Variants in ZNF292 observed in about 807,000 individuals in gnomAD.
ZNF292 encodes the protein zinc finger protein 292.
Under a neutral mutation model 217.9 loss-of-function variants are expected in ZNF292, and 26 were observed. That is an observed-to-expected ratio of 0.12 (90% CI 0.09 to 0.17). ZNF292 has a LOEUF of 0.17. Ranked by LOEUF, ZNF292 falls within the 10% of genes least tolerant of loss-of-function variation. The pLI is 1.00. For missense variants in ZNF292, 2,904 were observed against 3,175.2 expected, an observed-to-expected ratio of 0.91 and a Z score of 2.05; for synonymous variants, 1,257 against 1,124.1, an observed-to-expected ratio of 1.12 and a Z score of -2.37.
intron 1 of ZNF292, among the ~76,000 whole-genome samples, chr6:87,189,632 G>GT (rs944471275): frequency 8.9e-4 from 131 of 147,510 alleles, no homozygotes; most frequent in Middle Eastern, 7.0e-3. Context: ...CTGGGATTAT[G>GT]TTTTTTTTTT....
chr6:87,236,049 C>A (rs1454949732), intron 5 of ZNF292, among the ~76,000 whole-genome samples: 1 of 152,134 alleles, frequency 6.6e-6, no homozygotes, highest in African/African-American at 2.4e-5. Flanking sequence ...ATTCATTGTT[C>A]CATATGAGGT....
At chr6:87,160,612 C>T (rs1167420624) in intron 1 of ZNF292, among the ~76,000 whole-genome samples, 1 of 148,784 alleles carries the variant, frequency 6.7e-6, no homozygotes, top group Non-Finnish European at 1.5e-5. Flanking sequence ...TACATATATA[C>T]GATGTGTGTG....
At chr6:87,162,738 C>G (rs766599803) in intron 1 of ZNF292, among the ~76,000 whole-genome samples, 2 of 152,152 alleles carry the variant, frequency 1.3e-5, no homozygotes, top group Non-Finnish European at 2.9e-5. Context: ...TGCAGCTGTA[C>G]TTCATAACAT....
intron 1 of ZNF292, among the ~76,000 whole-genome samples, chr6:87,208,152 C>G (rs992295207): frequency 6.6e-6 from 1 of 152,146 alleles, no homozygotes; most frequent in African/African-American, 2.4e-5. Flanking sequence ...GTTGAGAAGT[C>G]TGCTGCCTCT....
intron 1 of ZNF292, among the ~76,000 whole-genome samples, chr6:87,202,078 A>C (rs965464626): frequency 6.6e-6 from 1 of 152,210 alleles, no homozygotes; most frequent in Non-Finnish European, 1.5e-5. Context: ...TTTTAGAATC[A>C]ACATGTCAAA....
chr6:87,250,026 AAAAAAAAAAAC>A lies in ZNF292; in HGVS notation c.1020+4393_1020+4403del, dbSNP rs986195188. Among the ~76,000 whole-genome samples, 24 of 137,242 alleles carry A rather than the reference AAAAAAAAAAAC, an allele frequency of 1.7e-4. No homozygotes were observed. In the South Asian group the frequency reaches 5.6e-3, roughly 32 times the overall value. The allele number at this position is 137,242 out of a possible 152,430, so 90.0% of individuals were successfully genotyped here. On this transcript the variant is annotated intron_variant, in intron 7 of 7. Transcript: ENST00000369577. ...TACCCAGCCAACTGGTAACCCTTAA[AAAAAAAAAAAC>A]AAAAAAAAAAACTCCAGGAATTGAA...
At position 87,155,685 on chromosome 6, in the gene ZNF292, C is replaced by G; in HGVS notation, c.94C>G (p.Leu32Val). Reference protein sequence around the residue: ...LQRLGERLQELELQLRESRVP... With the variant: ...LQRLGERLQEVELQLRESRVP... ...GCGCCTGGGCGAGCGGCTCCAGGAG[C>G]TGGAGCTACAGCTGCGGGAGAGCCG... Residue 32 changes from leucine to valine, a missense_variant, in exon 1 of 8, where the codon CTG (leucine) becomes GTG (valine). Leu to Val is a conservative substitution (Grantham distance 32). This residue lies in a region of ZNF292 where 66 missense variants were observed against 44.1 expected (regional missense o/e 1.50). Transcript: ENST00000369577. 1 of 1,590,040 alleles carries G rather than the reference C, an allele frequency of 6.3e-7. No individual in the cohort carries two copies. The highest frequency in any genetic ancestry group is 2.3e-5 in the East Asian group (1 of 43,830).
Position 87,261,359 on chromosome 6 carries a change from A to G in ZNF292, c.7730A>G (p.His2577Arg). Residue 2577 changes from histidine (H) to arginine (R), a missense_variant, in exon 8 of 8, where the codon CAT (histidine) becomes CGT (arginine). His to Arg is a conservative substitution (Grantham distance 29). Around this residue, in one of 15 missense-constraint regions of ZNF292, gnomAD observed 380 missense variants for 355.3 expected, o/e 1.07. Transcript: ENST00000369577. Reference sequence around the variant, plus strand: ...GTTGCCATTCAAACCATTGAGGAGCATCCTGCATCTTTTGACTGGAGCTCT... The same window carrying G: ...GTTGCCATTCAAACCATTGAGGAGCGTCCTGCATCTTTTGACTGGAGCTCT... Reference protein sequence around the residue: ...TAVAIQTIEEHPASFDWSSFK... With the variant: ...TAVAIQTIEERPASFDWSSFK... 3 of 1,613,368 alleles carry G rather than the reference A, an allele frequency of 1.9e-6. No homozygotes were observed. The highest frequency in any genetic ancestry group is 2.5e-6 in the Non-Finnish European group (3 of 1,179,642).
chr6:87,163,428 G>T lies in ZNF292; in HGVS notation c.168+7669G>T, dbSNP rs558582243. Among the ~76,000 whole-genome samples the T allele has an allele frequency of 2.0e-5, 3 of 151,906 alleles. No homozygotes were observed. The East Asian group carries it at 5.8e-4, about 29-fold the overall frequency. On this transcript the variant is annotated intron_variant, in intron 1 of 7. Transcript: ENST00000369577. Reference sequence around the variant, plus strand: ...ATGGCGCCACTGCACTCCAGCCTGGGTGACAGATCGAGACTTCGCCTCAAA... The same window carrying T: ...ATGGCGCCACTGCACTCCAGCCTGGTTGACAGATCGAGACTTCGCCTCAAA...
chr6:87,189,810 C>T (rs1360724052), intron 1 of ZNF292, among the ~76,000 whole-genome samples: 1 of 152,100 alleles, frequency 6.6e-6, no homozygotes. Flanking sequence ...ATACTGTACT[C>T]GGAAGGAAGG....
At chr6:87,250,544 T>G (rs565474514) in intron 7 of ZNF292, among the ~76,000 whole-genome samples, 262 of 152,320 alleles carry the variant, frequency 1.7e-3, no homozygotes, top group African/African-American at 6.0e-3. Context: ...AATGAAGTAA[T>G]ATGTAGCCAT....
intron 1 of ZNF292, among the ~76,000 whole-genome samples, chr6:87,178,997 A>C (rs1771385363): frequency 6.6e-6 from 1 of 152,170 alleles, no homozygotes; most frequent in Non-Finnish European, 1.5e-5. Context: ...TTTTGAATTT[A>C]AGTGATGTAT....
At chr6:87,251,475 C>G (rs1346646606) in intron 7 of ZNF292, among the ~76,000 whole-genome samples, 1 of 152,134 alleles carries the variant, frequency 6.6e-6, no homozygotes, top group Non-Finnish European at 1.5e-5. Context: ...TTCTGTTTTC[C>G]AGAACTTACC....
chr6:87,216,065 G>A lies in ZNF292; in HGVS notation c.323+8G>A, dbSNP rs780075518. ...TCTGGAACGCTTGGCATTGTGAGTA[G>A]ACCTTTGAGTAAATAAACTAGATTT... On this transcript the variant is annotated splice_region_variant and intron_variant, in intron 2 of 7. Coordinates refer to ENST00000369577, the MANE Select transcript of ZNF292 (RefSeq NM_015021.3). 1 of 1,538,132 alleles carries A rather than the reference G, an allele frequency of 6.5e-7. No homozygotes were observed. The highest frequency in any genetic ancestry group is 1.3e-5 in the South Asian group (1 of 77,836).
At chr6:87,155,936 TGTC>T (rs982845533) in intron 1 of ZNF292, among the ~76,000 whole-genome samples, 177 bp downstream of exon 1, 8 of 152,210 alleles carry the variant, frequency 5.3e-5, no homozygotes, top group Admixed American at 6.5e-5. Context: ...TGGCGGTTGT[TGTC>T]GTCTGCAGCT....
Position 87,258,135 on chromosome 6 carries a change from A to G in ZNF292, c.4506A>G (p.Thr1502=), listed in dbSNP as rs1452477034. 1 of 1,612,374 alleles carries G rather than the reference A, an allele frequency of 6.2e-7. No individual in the cohort carries two copies. Among genetic ancestry groups the G allele is most frequent in the Non-Finnish European group, 8.5e-7 (1 of 1,179,256 alleles). The change falls in exon 8 of 8, where the codon ACA becomes ACG. Residue 1502 remains threonine, a synonymous_variant. Coordinates refer to ENST00000369577, the MANE Select transcript of ZNF292 (RefSeq NM_015021.3). The part of the protein sequence containing the change: ...QALETAGIPS[T]FEGAEMLSHV... Reference sequence around the variant, plus strand: ...TGGAAACTGCTGGCATTCCCAGTACATTTGAGGGTGCCGAAATGCTTTCTC... The same window carrying G: ...TGGAAACTGCTGGCATTCCCAGTACGTTTGAGGGTGCCGAAATGCTTTCTC...
intron 1 of ZNF292, among the ~76,000 whole-genome samples, chr6:87,172,282 A>T (rs1771125503): frequency 6.6e-6 from 1 of 152,192 alleles, no homozygotes; most frequent in South Asian, 2.1e-4. Context: ...TCAGAATCAC[A>T]TTTATCTTGC....
intron 1 of ZNF292, among the ~76,000 whole-genome samples, chr6:87,161,224 A>G (rs1364679217): frequency 1.3e-5 from 2 of 152,190 alleles, no homozygotes; most frequent in Admixed American, 6.5e-5. Flanking sequence ...TAAAGAAAAG[A>G]TTTGACATTT....
At position 87,233,356 on chromosome 6, in the gene ZNF292, C is replaced by T. The variant is rs1473834308; in HGVS notation, c.570C>T (p.Ile190=). 1 of 1,612,082 alleles carries T rather than the reference C, an allele frequency of 6.2e-7. No individual in the cohort carries two copies. Among genetic ancestry groups the T allele is most frequent in the Non-Finnish European group, 8.5e-7 (1 of 1,179,164 alleles). The change falls in exon 5 of 8, where the codon ATC becomes ATT. Residue 190 remains isoleucine, a synonymous_variant. Coordinates refer to ENST00000369577, the MANE Select transcript of ZNF292 (RefSeq NM_015021.3). ...AATTTTTAGCTTTTGAGGGTCCCAT[C>T]TTGTTGGATATGAGAATTAAACATC... ...VNEFLAFEGP[I]LLDMRIKHLI... is the part of the protein sequence containing the mutation.
Sources: allele counts gnomAD v4.1 joint callset (sites outside exome capture counted in the v4.1 genomes callset), GRCh38; gene constraint gnomAD v4.1.1; regional missense constraint gnomAD v4.1.1; transcripts MANE v1.5; gene names NCBI Gene and HGNC (gene_info 2026-07-23, HGNC 2026-07-21).